The following PAWR variants were observed in gnomAD, a reference collection of about 807,000 sequenced individuals.
PAWR encodes pro-apoptotic WT1 regulator.
PAWR carries 23 observed loss-of-function variants against 32.0 expected under a neutral mutation model. The observed-to-expected ratio is 0.72, with a 90% CI of 0.52 to 1.02. PAWR has a LOEUF of 1.02. PAWR is among the 50% of genes least tolerant of loss of function. PAWR has a pLI of 0.00. For synonymous variants in PAWR, 226 were observed against 187.1 expected (o/e 1.21, Z -1.70); for missense variants, 457 against 437.7 (o/e 1.04, Z -0.39).
chr12:79,618,719 T>A (rs1300795550), intron 3 of PAWR, among the ~76,000 whole-genome samples: 1 of 152,168 alleles, frequency 6.6e-6, no homozygotes, highest in African/African-American at 2.4e-5. Flanking sequence ...TTCACTGAAA[T>A]AAGTCCCTGA....
At chr12:79,660,583 C>CTTT (rs754493353) in intron 2 of PAWR, among the ~76,000 whole-genome samples, 1 of 135,434 alleles carries the variant, frequency 7.4e-6, no homozygotes, top group Non-Finnish European at 1.6e-5. Context: ...TTTCATTGTA[C>CTTT]TTTTTTTTTT....
chr12:79,648,341 G>A (rs917935629), intron 2 of PAWR, among the ~76,000 whole-genome samples: 1 of 152,032 alleles, frequency 6.6e-6, no homozygotes, highest in Non-Finnish European at 1.5e-5. Flanking sequence ...CCTAGCTGAA[G>A]ACTTAATTAC....
At chr12:79,619,228 A>G (rs1442522774) in intron 3 of PAWR, among the ~76,000 whole-genome samples, 1 of 152,124 alleles carries the variant, frequency 6.6e-6, no homozygotes, top group Non-Finnish European at 1.5e-5. Flanking sequence ...CACAGTGTCT[A>G]TGCTCCCTAC....
chr12:79,652,513 T>C (rs1876896672), intron 2 of PAWR, among the ~76,000 whole-genome samples: 2 of 152,310 alleles, frequency 1.3e-5, no homozygotes, highest in South Asian at 4.1e-4. Context: ...AGATTTGTAA[T>C]TCTGAAGGGA....
chr12:79,594,496 T>A, intron 5 of PAWR, 63 bp from the exon 6 acceptor site: 1 of 775,908 alleles, frequency 1.3e-6, no homozygotes, highest in Non-Finnish European at 2.1e-6. Flanking sequence ...TCTTCCTAAG[T>A]GGCATATATC....
At chr12:79,637,266 G>A (rs1325058617) in intron 2 of PAWR, among the ~76,000 whole-genome samples, 2 of 152,030 alleles carry the variant, frequency 1.3e-5, no homozygotes, top group Non-Finnish European at 2.9e-5. Context: ...TCCAAAATGA[G>A]TTACTATAAC....
chr12:79,677,424 CA>C lies in PAWR; in HGVS notation c.516+12304del, dbSNP rs533955225. Among the ~76,000 whole-genome samples, 510 of 150,680 alleles carry C rather than the reference CA, an allele frequency of 3.4e-3. 3 individuals carry two copies. The highest frequency in any genetic ancestry group is 0.011 in the African/African-American group (471 of 41,050). On this transcript the variant is annotated intron_variant, in intron 2 of 6. Coordinates refer to ENST00000328827, the MANE Select transcript of PAWR (RefSeq NM_002583.4). ...TTATGAAACAAAAGTGTTTATGAAA[CA>C]ACAAAAAAAAGTAATAACATTTCTC... is the stretch of plus-strand genomic sequence containing the variant.
At chr12:79,599,484 A>T (rs1332752752) in intron 4 of PAWR, among the ~76,000 whole-genome samples, 2 of 152,244 alleles carry the variant, frequency 1.3e-5, no homozygotes, top group Non-Finnish European at 2.9e-5. Context: ...CTGTGCCTGC[A>T]TAATTAGAAT....
intron 4 of PAWR, among the ~76,000 whole-genome samples, chr12:79,601,454 G>A (rs895785367): frequency 5.9e-5 from 9 of 151,924 alleles, no homozygotes; most frequent in Admixed American, 3.3e-4. Context: ...ATCTTCCTGC[G>A]TCAGCCACCC....
At chr12:79,626,989 T>C (rs554468182) in intron 2 of PAWR, among the ~76,000 whole-genome samples, 11 of 152,312 alleles carry the variant, frequency 7.2e-5, no homozygotes, top group African/African-American at 2.6e-4. Flanking sequence ...CAGTCTATCG[T>C]TGTTGGATAT....
At chr12:79,635,710 T>C (rs1875930263) in intron 2 of PAWR, 1 of 152,182 alleles carries the variant, frequency 6.6e-6, no homozygotes, top group Admixed American at 6.5e-5. Flanking sequence ...AAACTATTCA[T>C]ATTTGTGTCA....
At chr12:79,670,461 T>C (rs1877836251) in intron 2 of PAWR, among the ~76,000 whole-genome samples, 1 of 143,908 alleles carries the variant, frequency 6.9e-6, no homozygotes, top group Admixed American at 6.6e-5. Flanking sequence ...CATTTTTTCT[T>C]GGGGAAAAAA....
Position 79,690,398 on chromosome 12 carries a change from T to C in PAWR, c.-147-7A>G. 2 of 1,331,246 alleles carry C rather than the reference T, an allele frequency of 1.5e-6. No individual in the cohort carries two copies. The highest frequency in any genetic ancestry group is 1.9e-5 in the South Asian group (1 of 53,354). 82.5% of individuals were successfully genotyped at this position (1,331,246 alleles called of 1,614,324 possible). On this transcript the variant is annotated splice_polypyrimidine_tract_variant and splice_region_variant and intron_variant, in intron 1 of 6. Coordinates refer to ENST00000328827, the MANE Select transcript of PAWR (RefSeq NM_002583.4). ...CCCACAGCAGCCGGCGGGGCTGAGG[T>C]GAAAGACAAAAGGGGGCGGGTAAGG...
chr12:79,653,305 G>A (rs1230681891), intron 2 of PAWR, among the ~76,000 whole-genome samples: 3 of 152,096 alleles, frequency 2.0e-5, no homozygotes, highest in Non-Finnish European at 2.9e-5. Flanking sequence ...CAAAGTACTG[G>A]GATTACAGGC....
chr12:79,603,311 A>T (rs1874033278), intron 4 of PAWR, among the ~76,000 whole-genome samples: 1 of 152,010 alleles, frequency 6.6e-6, no homozygotes, highest in South Asian at 2.1e-4. Context: ...TACAGGAAAG[A>T]AACAACTACA....
At chr12:79,592,896 G>A (rs561773902) in intron 6 of PAWR, among the ~76,000 whole-genome samples, 96 of 152,202 alleles carry the variant, frequency 6.3e-4, no homozygotes, top group Non-Finnish European at 1.2e-3. Flanking sequence ...AAGTGTATAG[G>A]CCAACTCTTA....
intron 2 of PAWR, among the ~76,000 whole-genome samples, chr12:79,634,554 C>A (rs566597608): frequency 6.6e-6 from 1 of 152,278 alleles, no homozygotes; most frequent in South Asian, 2.1e-4. Flanking sequence ...AGAACTCCAA[C>A]CTAAGCAGTC....
chr12:79,598,071 T>C (rs1592490364), intron 4 of PAWR: 1 of 152,390 alleles, frequency 6.6e-6, no homozygotes, highest in Non-Finnish European at 1.5e-5. Context: ...AGAGACAAAC[T>C]GACAGAGCAA....
intron 4 of PAWR, among the ~76,000 whole-genome samples, chr12:79,599,440 T>G (rs1303571551): frequency 2.6e-5 from 4 of 152,230 alleles, no homozygotes; most frequent in Non-Finnish European, 4.4e-5. Context: ...CCGATTTACA[T>G]TCTGGTACAA....
Sources: gnomAD v4.1 joint callset for allele counts (sites outside exome capture counted in the v4.1 genomes callset) on GRCh38, gnomAD v4.1.1 for gene constraint, MANE v1.5 for transcripts, NCBI Gene and HGNC (gene_info 2026-07-23, HGNC 2026-07-21) for gene names.